The following CDC20B variants were observed in gnomAD, a reference collection of about 807,000 sequenced individuals.
CDC20B encodes the protein cell division cycle 20B.
In CDC20B, 58 loss-of-function variants were observed where a neutral mutation model predicts 64.1. The observed-to-expected ratio is 0.90, with a 90% confidence interval of 0.73 to 1.13. The LOEUF (loss-of-function observed/expected upper bound fraction) is 1.13, where lower values mean the gene tolerates loss of function less well. CDC20B is among the 50% of genes most tolerant of loss of function. The probability of loss-of-function intolerance (pLI) is 0.00; values close to 1 mark genes in which losing one functional copy is unlikely to be tolerated. For missense variants in CDC20B, 597 were observed against 633.0 expected, an observed-to-expected ratio of 0.94 and a Z score of 0.61; for synonymous variants, 243 against 230.6, an observed-to-expected ratio of 1.05 and a Z score of -0.49.
intron 2 of CDC20B, chr5:55,166,523 C>G (rs966985413): frequency 6.6e-6 from 1 of 152,206 alleles, no homozygotes; most frequent in Non-Finnish European, 1.5e-5. Flanking sequence ...AACAATTAGG[C>G]TATGTGTGCT....
At chr5:55,134,900 G>T (rs900786090) in intron 5 of CDC20B, among the ~76,000 whole-genome samples, 1 of 152,120 alleles carries the variant, frequency 6.6e-6, no homozygotes, top group Non-Finnish European at 1.5e-5. Flanking sequence ...GGGGAGAGAC[G>T]GATGAACAGA....
At position 55,114,605 on chromosome 5, in the gene CDC20B, C is replaced by T. The variant is rs1338928596; in HGVS notation, c.1460-287G>A. On this transcript the variant is annotated intron_variant, in intron 11 of 11. Transcript: ENST00000381375. The surrounding 1 kb of genome is among the most constrained non-coding windows in gnomAD (Gnocchi z 4.1). The stretch of plus-strand genomic sequence containing the variant: ...GCTTAAAACAACAGAAATTGATTCT[C>T]ACAGTTCTGGAGATGGGAAGTCTGA... 6.6e-6 allele frequency among the ~76,000 whole-genome samples: 1 copy of T among 152,160 alleles called. No homozygotes were observed. Among genetic ancestry groups the T allele is most frequent in the African/African-American group, 2.4e-5 (1 of 41,444 alleles).
In CDC20B at chr5:55,114,141, A is replaced by C. The variant is rs1742569839; in HGVS notation, c.*77T>G. 1 of 1,529,852 alleles carries C rather than the reference A, an allele frequency of 6.5e-7. No homozygotes were observed. Among genetic ancestry groups the C allele is most frequent in the Non-Finnish European group, 8.8e-7 (1 of 1,138,424 alleles). The allele number at this position is 1,529,852 out of a possible 1,614,324, so 94.8% of individuals were successfully genotyped here. On this transcript the variant is annotated 3_prime_UTR_variant, in exon 12 of 12. Coordinates refer to ENST00000381375, the MANE Select transcript of CDC20B (RefSeq NM_001170402.1). The surrounding 1 kb of genome is among the most constrained non-coding windows in gnomAD (Gnocchi z 4.1). The stretch of plus-strand genomic sequence containing the variant: ...TTCAACTTGTTTGATACTCATAAAA[A>C]CCCCATGGAGAAGACATAGCCAACA...
intron 6 of CDC20B, among the ~76,000 whole-genome samples, chr5:55,131,978 G>A (rs995084315): frequency 6.6e-6 from 1 of 152,058 alleles, no homozygotes; most frequent in Non-Finnish European, 1.5e-5. Context: ...GCTGAGGCAC[G>A]AGAATTGCTT....
chr5:55,124,994 C>A lies in CDC20B; in HGVS notation c.1024G>T (p.Val342Phe). Residue 342 changes from valine to phenylalanine, a missense_variant, in exon 9 of 12, where the codon GTT becomes TTT. Physicochemically the swap from Val to Phe is conservative, Grantham distance 50 (BLOSUM62 -1). This residue lies in a region of CDC20B where 353 missense variants were observed against 397.0 expected (regional missense o/e 0.89). Transcript: ENST00000381375. ...CCAACATGATGCTGGGCTACCCGAA[C>A]ATCGTGATGATAAACACGCCCCAGT... ...SRLGRVYHHD[V>F]RVAQHHVGTL... 6.2e-7 allele frequency: 1 copy of A among 1,613,834 alleles called. No individual in the cohort carries two copies. Among genetic ancestry groups the A allele is most frequent in the East Asian group, 2.2e-5 (1 of 44,874 alleles).
At chr5:55,126,958 TTTAGTACCTATTAC>T (rs1219001801) in intron 8 of CDC20B, among the ~76,000 whole-genome samples, 1 of 152,210 alleles carries the variant, frequency 6.6e-6, no homozygotes, top group Non-Finnish European at 1.5e-5. Context: ...AAAATATCCC[TTTAGTACCTATTAC>T]TTAGCACAGA....
At chr5:55,146,500 A>G in intron 3 of CDC20B, 128 bp downstream of exon 3, 1 of 644,802 alleles carries the variant, frequency 1.6e-6, no homozygotes, top group East Asian at 2.8e-5. Flanking sequence ...TTTCTTATTC[A>G]AAGGGAGAAA....
chr5:55,160,356 CA>C, intron 2 of CDC20B: 1 of 1,613,286 alleles, frequency 6.2e-7, no homozygotes, highest in Non-Finnish European at 8.5e-7. Context: ...GTGAAGGATG[CA>C]AAAGGAAGAA....
At chr5:55,143,462 T>A (rs762186983) in intron 4 of CDC20B, 51 bp downstream of exon 4, 24 of 1,507,078 alleles carry the variant, frequency 1.6e-5, no homozygotes, top group Non-Finnish European at 8.9e-7. Flanking sequence ...GCAACTAAGT[T>A]GTCTCAGCTT....
Position 55,124,952 on chromosome 5 carries a change from G to C in CDC20B, c.1066C>G (p.Gln356Glu). 1 of 1,614,204 alleles carries C rather than the reference G, an allele frequency of 6.2e-7. No individual in the cohort carries two copies. The change falls in exon 9 of 12, where the codon CAA (glutamine) becomes GAA (glutamate). Residue 356 changes from glutamine to glutamate, a missense_variant. Transcript: ENST00000381375. ...QHHVGTLRHKQAVCALKWSPD... is the reference protein window; with the variant it reads ...QHHVGTLRHKEAVCALKWSPD... The stretch of plus-strand genomic sequence containing the variant: ...GACCACTTCAGAGCACACACAGCTT[G>C]CTTGTGGCGAAGTGTTCCAACATGA...
At chr5:55,125,711 A>T (rs1001379394) in intron 8 of CDC20B, among the ~76,000 whole-genome samples, 4 of 152,230 alleles carry the variant, frequency 2.6e-5, no homozygotes, top group Admixed American at 2.6e-4. Context: ...TTCTCTAAGG[A>T]GTAAGTAAAT....
At chr5:55,134,434 G>A (rs1015516063) in intron 5 of CDC20B, among the ~76,000 whole-genome samples, 3 of 151,840 alleles carry the variant, frequency 2.0e-5, no homozygotes, top group African/African-American at 4.8e-5. Context: ...TATCAACAAG[G>A]TTAAAAAAAA....
At chr5:55,131,796 G>A (rs867705572) in intron 6 of CDC20B, among the ~76,000 whole-genome samples, 2 of 152,164 alleles carry the variant, frequency 1.3e-5, no homozygotes, top group South Asian at 4.1e-4. Flanking sequence ...TGGGCATGGT[G>A]GCTTATGCCT....
chr5:55,128,612 T>G lies in CDC20B; in HGVS notation c.703A>C (p.Asn235His), dbSNP rs1049473887. ...TTCTGAAAACTCCAATCTAGGATAT[T>G]CAGATCTATAAGAAAAGCACTTCAA... ...ITGLRNDYYL[N>H]ILDWSFQNLV... The change falls in exon 7 of 12, where the codon AAT becomes CAT. Residue 235 changes from asparagine (N) to histidine (H), a missense_variant. Asn to His is a moderately conservative substitution (Grantham distance 68). Around this residue, in one of 3 missense-constraint regions of CDC20B, gnomAD observed 353 missense variants for 397.0 expected, o/e 0.89. Transcript: ENST00000381375. 7 of 1,551,818 alleles carry G rather than the reference T, an allele frequency of 4.5e-6. No homozygotes were observed. Among genetic ancestry groups the G allele is most frequent in the Non-Finnish European group, 6.0e-6 (7 of 1,160,166 alleles).
chr5:55,160,018 T>G (rs540252416), intron 2 of CDC20B: 1 of 587,890 alleles, frequency 1.7e-6, no homozygotes, highest in South Asian at 2.3e-5. Flanking sequence ...GTAGAGCTCC[T>G]TGCTTCATTC....
intron 2 of CDC20B, among the ~76,000 whole-genome samples, chr5:55,156,177 T>G (rs988343748): frequency 2.0e-5 from 3 of 152,034 alleles, no homozygotes; most frequent in Non-Finnish European, 4.4e-5. Flanking sequence ...TCAGATCTCG[T>G]GAGACTTATT....
intron 2 of CDC20B, chr5:55,160,250 G>A (rs1181161278): frequency 6.2e-7 from 1 of 1,614,026 alleles, no homozygotes; most frequent in Non-Finnish European, 8.5e-7. Context: ...AAAGGTATTT[G>A]CAGTTTTGCT....
At chr5:55,161,092 C>G in intron 2 of CDC20B, 1 of 1,614,228 alleles carries the variant, frequency 6.2e-7, no homozygotes, top group Non-Finnish European at 8.5e-7. Flanking sequence ...CATCCCACTT[C>G]AGCGTGTTGG....
At chr5:55,160,988 C>T (rs1744019153) in intron 2 of CDC20B, 3 of 1,580,914 alleles carry the variant, frequency 1.9e-6, no homozygotes, top group South Asian at 2.4e-5. Flanking sequence ...TTTCTTTTTC[C>T]GGGAGGTTTC....
Sources: gnomAD v4.1 joint callset for allele counts (sites outside exome capture counted in the v4.1 genomes callset) on GRCh38, gnomAD v4.1.1 for gene constraint, gnomAD v4.1.1 regional missense constraint, Gnocchi (gnomAD v3.1) non-coding constraint, MANE v1.5 for transcripts, NCBI Gene and HGNC (gene_info 2026-07-23, HGNC 2026-07-21) for gene names.